The following CDK14 variants were observed in gnomAD, a reference collection of about 807,000 sequenced individuals.
The protein encoded by CDK14 is cyclin-dependent kinase 14.
CDK14 carries 34 observed loss-of-function variants against 60.7 expected under a neutral mutation model. The observed-to-expected ratio is 0.56, with a 90% confidence interval of 0.43 to 0.75. CDK14 has a LOEUF of 0.75. Among genes scored for constraint, CDK14 ranks in the 30% least tolerant of loss-of-function variants. The pLI is 0.00. For missense variants in CDK14, 482 were observed against 564.1 expected (o/e 0.85, Z 1.47); for synonymous variants, 197 against 203.7 (o/e 0.97, Z 0.28).
chr7:90,885,023 T>C (rs2117297998), intron 6 of CDK14, among the ~76,000 whole-genome samples: 1 of 152,302 alleles, frequency 6.6e-6, no homozygotes, highest in East Asian at 1.9e-4. Context: ...TACATAGGCA[T>C]GGACAAAGAT....
chr7:91,027,973 TC>T (rs1410430634), intron 10 of CDK14, among the ~76,000 whole-genome samples: 1 of 120,502 alleles, frequency 8.3e-6, no homozygotes, highest in Non-Finnish European at 1.7e-5. Flanking sequence ...TTCTCCCCTT[TC>T]CCCTCTCCCC....
At chr7:90,893,660 A>T (rs1792208239) in intron 6 of CDK14, among the ~76,000 whole-genome samples, 1 of 152,216 alleles carries the variant, frequency 6.6e-6, no homozygotes, top group African/African-American at 2.4e-5. Context: ...ATATAATGAA[A>T]TTTGTAATTC....
At chr7:91,078,557 A>G (rs1425617744) in intron 11 of CDK14, among the ~76,000 whole-genome samples, 2 of 152,256 alleles carry the variant, frequency 1.3e-5, no homozygotes, top group East Asian at 3.9e-4. Flanking sequence ...CAGTGAGCTG[A>G]GATTGGGCCA....
intron 4 of CDK14, among the ~76,000 whole-genome samples, chr7:90,768,754 A>G (rs984688334): frequency 6.6e-6 from 1 of 152,230 alleles, no homozygotes; most frequent in Non-Finnish European, 1.5e-5. Context: ...CAGCTGACTA[A>G]TTAGTGGTCT....
chr7:91,013,109 C>T (rs1796207626), intron 10 of CDK14, among the ~76,000 whole-genome samples: 1 of 152,190 alleles, frequency 6.6e-6, no homozygotes, highest in South Asian at 2.1e-4. Flanking sequence ...GGAGAGGCAA[C>T]AGGTTATCAC....
chr7:90,871,650 C>G (rs370726541), intron 6 of CDK14, among the ~76,000 whole-genome samples: 1 of 152,134 alleles, frequency 6.6e-6, no homozygotes, highest in East Asian at 1.9e-4. Flanking sequence ...TGACTAGATT[C>G]ACATCAGGAA....
intron 14 of CDK14, among the ~76,000 whole-genome samples, chr7:91,159,919 G>A (rs913753402): frequency 2.0e-5 from 3 of 152,212 alleles, no homozygotes; most frequent in Non-Finnish European, 2.9e-5. Flanking sequence ...TGGTGAGCTC[G>A]GTTTTCCTCT....
At chr7:90,633,002 A>G (rs1288113602) in intron 2 of CDK14, among the ~76,000 whole-genome samples, 1 of 151,946 alleles carries the variant, frequency 6.6e-6, no homozygotes, top group Non-Finnish European at 1.5e-5. Flanking sequence ...AGACTGAGGC[A>G]GGAGAATTGC....
chr7:90,832,262 A>G (rs1283007929), intron 5 of CDK14, among the ~76,000 whole-genome samples: 1 of 152,204 alleles, frequency 6.6e-6, no homozygotes, highest in African/African-American at 2.4e-5. Flanking sequence ...GGCACCAGTA[A>G]GTGTTCAGAA....
intron 14 of CDK14, among the ~76,000 whole-genome samples, chr7:91,180,155 C>T (rs1801949686): frequency 6.6e-6 from 1 of 152,132 alleles, no homozygotes; most frequent in African/African-American, 2.4e-5. Flanking sequence ...TGCAGAAGCA[C>T]AACCACATGA....
At chr7:90,855,638 G>A (rs774294739) in intron 5 of CDK14, among the ~76,000 whole-genome samples, 5 of 152,184 alleles carry the variant, frequency 3.3e-5, no homozygotes, top group Non-Finnish European at 4.4e-5. Context: ...GAATATTAAT[G>A]TTGGTAAAAA....
At chr7:91,174,197 A>T (rs930343346) in intron 14 of CDK14, among the ~76,000 whole-genome samples, 1 of 151,988 alleles carries the variant, frequency 6.6e-6, no homozygotes, top group East Asian at 1.9e-4. Context: ...GCAGGGGCAC[A>T]CTGACACCTC....
At chr7:91,098,513 AAAAGAAAGAAAGAG>A (rs1339850019) in intron 12 of CDK14, among the ~76,000 whole-genome samples, 2 of 149,712 alleles carry the variant, frequency 1.3e-5, no homozygotes, top group South Asian at 2.1e-4. Context: ...AAAAGAAAGA[AAAAGAAAGAAAGAG>A]AAAAAAAAAA....
intron 5 of CDK14, among the ~76,000 whole-genome samples, chr7:90,850,700 T>C (rs1387925527): frequency 1.3e-5 from 2 of 152,072 alleles, no homozygotes; most frequent in African/African-American, 4.8e-5. Flanking sequence ...CCAAGTGTGA[T>C]AGGGAGTCGG....
intron 2 of CDK14, among the ~76,000 whole-genome samples, chr7:90,639,440 G>A (rs1169805118): frequency 1.3e-5 from 2 of 152,096 alleles, no homozygotes; most frequent in Non-Finnish European, 2.9e-5. Flanking sequence ...CTGCAGAACC[G>A]CAGATTTTCG....
intron 5 of CDK14, among the ~76,000 whole-genome samples, chr7:90,837,854 C>T (rs1304674825): frequency 2.0e-5 from 3 of 152,136 alleles, no homozygotes; most frequent in Admixed American, 6.5e-5. Flanking sequence ...ATTCTTACAA[C>T]ATTAGTGTTA....
rs201978996 is a variant in CDK14 at position 90,672,502 on chromosome 7, G to GTTTTTTTTTTTTTT, written c.124-54044_124-54031dup. ...CCTATGCATCAGTGCTTCTTCTTCT[G>GTTTTTTTTTTTTTT]TTTTTTTTTTTTTTTTTTTTTTTTT... On this transcript the variant is annotated intron_variant, in intron 2 of 14. Coordinates refer to ENST00000380050, the MANE Select transcript of CDK14 (RefSeq NM_001287135.2). Among the ~76,000 whole-genome samples, 6 of 49,996 alleles carry GTTTTTTTTTTTTTT rather than the reference G, an allele frequency of 1.2e-4. 1 individual carries two copies. The highest frequency in any genetic ancestry group is 1.4e-4 in the Non-Finnish European group (4 of 29,354). The allele number at this position is 49,996 out of a possible 152,430, so 32.8% of individuals were successfully genotyped here. A position where few individuals can be genotyped will look rare whatever the true frequency, so the allele number is the denominator to read the frequency against.
intron 3 of CDK14, among the ~76,000 whole-genome samples, 175 bp from the exon 4 acceptor site, chr7:90,747,506 T>A (rs907338070): frequency 5.9e-5 from 9 of 152,248 alleles, no homozygotes; most frequent in Admixed American, 5.2e-4. Context: ...TATTTGCATT[T>A]TTTTTTAGTT....
intron 8 of CDK14, among the ~76,000 whole-genome samples, chr7:90,924,609 T>C (rs941302069): frequency 9.2e-5 from 14 of 152,224 alleles, no homozygotes; most frequent in African/African-American, 3.4e-4. Context: ...TATTGCAGTC[T>C]AAAGCACATG....
Sources: allele counts gnomAD v4.1 joint callset (sites outside exome capture counted in the v4.1 genomes callset), GRCh38; gene constraint gnomAD v4.1.1; transcripts MANE v1.5; gene names NCBI Gene and HGNC (gene_info 2026-07-23, HGNC 2026-07-21).